Variants in CAPN13 observed in about 807,000 individuals in gnomAD.
CAPN13 encodes the protein calpain-13.
In CAPN13, 90 loss-of-function variants were observed where a neutral mutation model predicts 98.4. The ratio of observed to expected loss-of-function variants is 0.92; its 90% confidence interval spans 0.77 to 1.09. The LOEUF is 1.09. Among genes scored for constraint, CAPN13 ranks in the 50% least tolerant of loss-of-function variants. CAPN13 has a pLI of 0.00. For missense variants in CAPN13, 887 were observed against 841.3 expected (o/e 1.05, Z -0.67); for synonymous variants, 330 against 305.5 (o/e 1.08, Z -0.84).
intron 3 of CAPN13, among the ~76,000 whole-genome samples, chr2:30,776,968 G>T (rs887574847): frequency 6.6e-6 from 1 of 152,234 alleles, no homozygotes; most frequent in African/African-American, 2.4e-5. Context: ...CCTATCATCG[G>T]CAAGCTGACG....
In CAPN13 at chr2:30,758,081, C is replaced by G. The variant is rs1247346916; in HGVS notation, c.831G>C (p.Trp277Cys). The G allele has an allele frequency of 6.2e-7, 1 of 1,611,132 alleles. No individual in the cohort carries two copies. The highest frequency in any genetic ancestry group is 8.5e-7 in the Non-Finnish European group (1 of 1,178,856). Residue 277 changes from tryptophan to cysteine, a missense_variant, in exon 8 of 23, where the codon TGG becomes TGC. Trp to Cys is a radical substitution (Grantham distance 215). Transcript: ENST00000295055. ...AGCGCCCTCTCCATTCGGCCTCGCCCCAGCCCCAGGGGTTCCACAGGGAGA... is the reference window on the plus strand; with the variant it reads ...AGCGCCCTCTCCATTCGGCCTCGCCGCAGCCCCAGGGGTTCCACAGGGAGA... ...EIISLWNPWG[W>C]GEAEWRGRWS...
intron 18 of CAPN13, among the ~76,000 whole-genome samples, chr2:30,735,504 G>A (rs1037262712): frequency 2.0e-5 from 3 of 152,258 alleles, no homozygotes; most frequent in Middle Eastern, 3.4e-3. Context: ...TCGTTCATTC[G>A]GAATTTCTTC....
chr2:30,781,971 A>G (rs1022111182), intron 2 of CAPN13, among the ~76,000 whole-genome samples: 2 of 152,194 alleles, frequency 1.3e-5, no homozygotes, highest in African/African-American at 2.4e-5. Flanking sequence ...GCCAACAGCA[A>G]TAGTCAAGCT....
At chr2:30,772,117 A>G (rs1337594972) in intron 4 of CAPN13, among the ~76,000 whole-genome samples, 1 of 152,212 alleles carries the variant, frequency 6.6e-6, no homozygotes, top group African/African-American at 2.4e-5. Flanking sequence ...CAAAGGGGAC[A>G]TCAGATAAGT....
intron 2 of CAPN13, among the ~76,000 whole-genome samples, chr2:30,779,438 C>T (rs1451766951): frequency 6.6e-6 from 1 of 152,190 alleles, no homozygotes; most frequent in Non-Finnish European, 1.5e-5. Flanking sequence ...TCATCAAACC[C>T]TTGCTGAGGG....
intron 3 of CAPN13, 71 bp downstream of exon 3, chr2:30,777,496 G>C (rs1673762772): frequency 7.4e-7 from 1 of 1,349,752 alleles, no homozygotes; most frequent in African/African-American, 1.5e-5. Flanking sequence ...AGTGGGGCAG[G>C]ACTCTGTGGG....
At chr2:30,739,673 C>T (rs1254664553) in intron 15 of CAPN13, among the ~76,000 whole-genome samples, 2 of 152,116 alleles carry the variant, frequency 1.3e-5, no homozygotes, top group Non-Finnish European at 2.9e-5. Flanking sequence ...TCCATGGAAT[C>T]GTCCACTATA....
chr2:30,730,890 T>G (rs1287361994), intron 21 of CAPN13, 104 bp from the exon 22 acceptor site: 4 of 748,148 alleles, frequency 5.3e-6, no homozygotes, highest in African/African-American at 5.1e-5. Context: ...CAGTCCAGTC[T>G]CATCACCCCT....
At position 30,787,236 on chromosome 2, in the gene CAPN13, G is replaced by A. The variant is rs2148073915; in HGVS notation, c.90C>T (p.Ser30=). The change falls in exon 2 of 23, where the codon AGC becomes AGT. Residue 30 remains serine, a synonymous_variant. Coordinates refer to ENST00000295055, the MANE Select transcript of CAPN13 (RefSeq NM_144575.3). The part of the protein sequence containing the change: ...DFTTLRDHCL[S]MGRTFKDETF... ...TCTCATCCTTAAACGTCCGGCCCAT[G>A]CTCAGGCAGTGATCCCGCAAGGTGG... The A allele has an allele frequency of 6.2e-7, 1 of 1,612,618 alleles. No homozygotes were observed. The highest frequency in any genetic ancestry group is 8.5e-7 in the Non-Finnish European group (1 of 1,179,434).
rs79789606 is a variant in CAPN13 at position 30,776,700 on chromosome 2, T to C, written c.272-655A>G. On this transcript the variant is annotated intron_variant, in intron 3 of 22. Transcript: ENST00000295055. ...ATGGCCTCGAGTTTCTCCTTGGATG[T>C]CGTTGTAAGCCCTTTTGAGCCTCTC... Among the ~76,000 whole-genome samples the C allele has an allele frequency of 2.6e-5, 4 of 152,300 alleles. No homozygotes were observed. The East Asian group carries it at 5.8e-4, about 22-fold the overall frequency.
chr2:30,800,136 G>GAAAGAAAAGAAAGA (rs1558351516), intron 1 of CAPN13, among the ~76,000 whole-genome samples: 36 of 144,536 alleles, frequency 2.5e-4, no homozygotes, highest in African/African-American at 9.2e-4. Flanking sequence ...AAGAAAGAAA[G>GAAAGAAAAGAAAGA]AAAGAAAGAA....
chr2:30,758,214 T>A, intron 7 of CAPN13, 77 bp from the exon 8 acceptor site: 3 of 1,107,904 alleles, frequency 2.7e-6, no homozygotes, highest in Non-Finnish European at 2.6e-6. Flanking sequence ...GCAGCTGCTT[T>A]TTACCTCCAA....
intron 13 of CAPN13, 46 bp downstream of exon 13, chr2:30,743,337 A>T (rs768972918): frequency 1.3e-6 from 2 of 1,519,012 alleles, no homozygotes; most frequent in South Asian, 2.2e-5. Flanking sequence ...GTGTTTTTAT[A>T]AAGTTAAGTA....
intron 6 of CAPN13, among the ~76,000 whole-genome samples, chr2:30,763,870 A>G (rs746644726): frequency 4.6e-5 from 7 of 152,346 alleles, no homozygotes; most frequent in Middle Eastern, 6.8e-3. Context: ...AGACTTGTCG[A>G]GCCACTTATG....
chr2:30,738,256 G>A lies in CAPN13; in HGVS notation c.1632C>T (p.Arg544=), dbSNP rs1273667131. The part of the protein sequence containing the change: ...PGDMFSLDEC[R]SLVALMELKV... ...ATACTTCCATCAGAGCCACCAAGCT[G>A]CGGCACTCATCTAAGGAGAACATGT... The change falls in exon 17 of 23, where the codon CGC becomes CGT. Residue 544 remains arginine (R), a synonymous_variant. Transcript: ENST00000295055. 6.2e-7 allele frequency: 1 copy of A among 1,613,878 alleles called. No individual in the cohort carries two copies. Among genetic ancestry groups the A allele is most frequent in the Non-Finnish European group, 8.5e-7 (1 of 1,179,898 alleles).
intron 7 of CAPN13, among the ~76,000 whole-genome samples, chr2:30,758,715 G>A (rs1672591297): frequency 6.6e-6 from 1 of 151,828 alleles, no homozygotes; most frequent in African/African-American, 2.4e-5. Context: ...ACCTTGGTCT[G>A]AGAGAATATG....
intron 4 of CAPN13, among the ~76,000 whole-genome samples, chr2:30,772,651 A>G (rs1418647318): frequency 6.6e-6 from 1 of 152,222 alleles, no homozygotes; most frequent in Non-Finnish European, 1.5e-5. Flanking sequence ...ATAGTTGAAT[A>G]TAAGGAGGCA....
At chr2:30,786,562 A>G (rs189512027) in intron 2 of CAPN13, among the ~76,000 whole-genome samples, 1 of 152,166 alleles carries the variant, frequency 6.6e-6, no homozygotes, top group African/African-American at 2.4e-5. Flanking sequence ...GTTGTCCTGC[A>G]ATTTCTCCCT....
At position 30,751,291 on chromosome 2, in the gene CAPN13, C is replaced by T. The variant is rs138151272; in HGVS notation, c.1088-40G>A. 1,469 of 1,606,024 alleles carry T rather than the reference C, an allele frequency of 9.1e-4. 20 individuals carry two copies. The African/African-American group carries it at 0.016, about 18-fold the overall frequency. On this transcript the variant is annotated intron_variant, in intron 10 of 22. Coordinates refer to ENST00000295055, the MANE Select transcript of CAPN13 (RefSeq NM_144575.3). Reference sequence around the variant, plus strand: ...GCTGTTACTAGAGCTCAGCTCCACTCCTGGGACTCCTGGGCAGGGCCATGT... The same window carrying T: ...GCTGTTACTAGAGCTCAGCTCCACTTCTGGGACTCCTGGGCAGGGCCATGT...
Sources: allele counts gnomAD v4.1 joint callset (sites outside exome capture counted in the v4.1 genomes callset), GRCh38; gene constraint gnomAD v4.1.1; transcripts MANE v1.5; gene names NCBI Gene and HGNC (gene_info 2026-07-23, HGNC 2026-07-21).